Variants in USP32 observed in about 807,000 individuals in gnomAD.
USP32 encodes the protein ubiquitin specific peptidase 32.
Under a neutral mutation model 204.8 loss-of-function variants are expected in USP32, and 59 were observed. The ratio of observed to expected loss-of-function variants is 0.29; its 90% CI spans 0.23 to 0.36. USP32 has a LOEUF of 0.36. Among genes scored for constraint, USP32 ranks in the 10% least tolerant of loss-of-function variants. The pLI is 1.00. For missense variants in USP32, 1,160 were observed against 1,946.4 expected, an observed-to-expected ratio of 0.60 and a Z score of 7.60; for synonymous variants, 517 against 678.4, an observed-to-expected ratio of 0.76 and a Z score of 3.70.
chr17:60,188,884 C>CGCTA (rs1020459829), intron 29 of USP32, among the ~76,000 whole-genome samples: 30 of 152,298 alleles, frequency 2.0e-4, no homozygotes, highest in African/African-American at 7.0e-4. Flanking sequence ...GGCCCACTCC[C>CGCTA]TAGCAAGGCA....
intron 1 of USP32, among the ~76,000 whole-genome samples, chr17:60,349,596 A>AATATATATATATATATATAT (rs1187939098): frequency 3.1e-5 from 2 of 65,178 alleles, no homozygotes; most frequent in African/African-American, 7.3e-5. Flanking sequence ...AAAAAAAAAA[A>AATATATATATATATATATAT]ATATATATAT....
chr17:60,315,180 C>T (rs1202380644), intron 2 of USP32, among the ~76,000 whole-genome samples: 2 of 152,112 alleles, frequency 1.3e-5, no homozygotes, highest in African/African-American at 4.8e-5. Context: ...GGCGGAATGC[C>T]TGAGCTCAGG....
chr17:60,328,814 C>T (rs556542470), intron 2 of USP32, among the ~76,000 whole-genome samples: 1 of 152,338 alleles, frequency 6.6e-6, no homozygotes, highest in East Asian at 1.9e-4. Context: ...GGTCCAGCTG[C>T]AGCCTTGCAG....
intron 26 of USP32, among the ~76,000 whole-genome samples, chr17:60,199,839 G>A (rs1323673146): frequency 6.6e-6 from 1 of 152,012 alleles, no homozygotes; most frequent in African/African-American, 2.4e-5. Flanking sequence ...AGTGCCCTAG[G>A]GCCCATACTT....
chr17:60,395,598 G>A (rs1037781618), upstream of USP32, among the ~76,000 whole-genome samples: 1 of 152,168 alleles, frequency 6.6e-6, no homozygotes, highest in African/African-American at 2.4e-5. Context: ...CGTTTAGTTT[G>A]TTCAATTTCA....
rs114975069 is a variant in USP32 at position 60,352,332 on chromosome 17, C to T, written c.59-6724G>A. On this transcript the variant is annotated intron_variant, in intron 1 of 33. Transcript: ENST00000300896. ...GGCTGCATCTCCAGCAGCCATTTTA[C>T]ACACCTATTTTTGAGTGAACGTCAA... 3.2e-3 allele frequency among the ~76,000 whole-genome samples: 481 copies of T among 152,252 alleles called. 3 individuals are homozygous for T. Among genetic ancestry groups the T allele is most frequent in the African/African-American group, 0.011 (463 of 41,526 alleles).
chr17:60,349,642 ATT>A (rs1491217270), intron 1 of USP32, among the ~76,000 whole-genome samples: 13 of 102,526 alleles, frequency 1.3e-4, no homozygotes, highest in South Asian at 1.0e-3. Flanking sequence ...ATATATATAT[ATT>A]ATATATATAC....
In USP32 at chr17:60,381,714, T is replaced by C. The variant is rs1327107056; in HGVS notation, c.58+10168A>G. Among the ~76,000 whole-genome samples, 6 of 152,214 alleles carry C rather than the reference T, an allele frequency of 3.9e-5. No individual in the cohort carries two copies. The East Asian group carries it at 5.8e-4, about 15-fold the overall frequency. On this transcript the variant is annotated intron_variant, in intron 1 of 33. Transcript: ENST00000300896. ...TTCTAGATCTTGAAATGTTCTGCAT[T>C]TCCACAGGTTCCCCCTCTTATCTCT...
chr17:60,333,224 A>G (rs547580460), intron 2 of USP32, among the ~76,000 whole-genome samples: 1 of 152,346 alleles, frequency 6.6e-6, no homozygotes, highest in East Asian at 1.9e-4. Context: ...TACCAAAAAC[A>G]TAAACAGTTG....
At chr17:60,303,214 T>C (rs1436106653) in intron 2 of USP32, among the ~76,000 whole-genome samples, 3 of 152,080 alleles carry the variant, frequency 2.0e-5, no homozygotes, top group Non-Finnish European at 4.4e-5. Context: ...AAATAACTAT[T>C]TTTAGTTGCC....
intron 3 of USP32, among the ~76,000 whole-genome samples, chr17:60,295,533 G>A (rs2087406467): frequency 6.6e-6 from 1 of 152,144 alleles, no homozygotes; most frequent in African/African-American, 2.4e-5. Flanking sequence ...ACACTGTTCT[G>A]AGTAACGTGA....
intron 27 of USP32, among the ~76,000 whole-genome samples, chr17:60,197,999 G>A (rs887220006): frequency 1.3e-5 from 2 of 152,188 alleles, no homozygotes; most frequent in Non-Finnish European, 2.9e-5. Context: ...GATATTACTT[G>A]AAGCATTAGC....
intron 6 of USP32, among the ~76,000 whole-genome samples, chr17:60,270,802 A>G (rs2086705909): frequency 1.3e-5 from 2 of 151,176 alleles, no homozygotes; most frequent in Admixed American, 1.3e-4. Context: ...CAGCCTGGGC[A>G]ACAAGAGCAA....
At chr17:60,297,473 G>A (rs1275081681) in intron 3 of USP32, among the ~76,000 whole-genome samples, 1 of 149,960 alleles carries the variant, frequency 6.7e-6, no homozygotes, top group Admixed American at 6.6e-5. Context: ...TTTTGAGACA[G>A]AGTCTTGCCC....
At chr17:60,210,141 A>AGAGG (rs1210550130) in intron 21 of USP32, among the ~76,000 whole-genome samples, 1 of 152,048 alleles carries the variant, frequency 6.6e-6, no homozygotes, top group East Asian at 1.9e-4. Context: ...GTGCCTGGCA[A>AGAGG]GAGGTAAGTA....
chr17:60,346,243 C>A (rs2088782666), intron 1 of USP32, among the ~76,000 whole-genome samples: 3 of 152,068 alleles, frequency 2.0e-5, no homozygotes, highest in African/African-American at 7.2e-5. Flanking sequence ...GCACGCCAAG[C>A]CAAAATTCTT....
chr17:60,421,517 A>G (rs1167936506), intron 1 of USP32: 3 of 985,374 alleles, frequency 3.0e-6, no homozygotes, highest in Non-Finnish European at 3.6e-6. Context: ...GCCCGGGCCC[A>G]GAGGACACGA....
intron 2 of USP32, among the ~76,000 whole-genome samples, chr17:60,310,863 T>C (rs886549880): frequency 1.3e-5 from 2 of 152,014 alleles, no homozygotes; most frequent in Admixed American, 1.3e-4. Flanking sequence ...TGGTGAGACC[T>C]CATCACTACC....
intron 2 of USP32, among the ~76,000 whole-genome samples, chr17:60,328,602 A>G (rs2088302449): frequency 1.3e-5 from 2 of 152,234 alleles, no homozygotes; most frequent in African/African-American, 4.8e-5. Context: ...TATAACATAA[A>G]CAGAGCTGAA....
Sources: gnomAD v4.1 joint callset for allele counts (sites outside exome capture counted in the v4.1 genomes callset) on GRCh38, gnomAD v4.1.1 for gene constraint, MANE v1.5 for transcripts, NCBI Gene and HGNC (gene_info 2026-07-23, HGNC 2026-07-21) for gene names.